Variants in RUNX1 observed in about 807,000 individuals in gnomAD.
RUNX1 encodes the protein RUNX family transcription factor 1.
A neutral mutation model predicts 42.8 loss-of-function variants in RUNX1; 19 were observed. The observed-to-expected ratio is 0.44, with a 90% CI of 0.31 to 0.65. The LOEUF is 0.65. RUNX1 is among the 30% of genes least tolerant of loss of function. The pLI is 0.07. For synonymous variants in RUNX1, 271 were observed against 289.4 expected, an observed-to-expected ratio of 0.94 and a Z score of 0.64; for missense variants, 528 against 672.0, an observed-to-expected ratio of 0.79 and a Z score of 2.37.
intron 2 of RUNX1, among the ~76,000 whole-genome samples, chr21:34,992,491 G>A (rs956729126): frequency 6.6e-6 from 1 of 152,034 alleles, no homozygotes; most frequent in African/African-American, 2.4e-5. Flanking sequence ...ACTGAGGATG[G>A]ATTAGGCAGT....
intron 2 of RUNX1, among the ~76,000 whole-genome samples, chr21:34,966,085 A>G (rs2058716404): frequency 6.6e-6 from 1 of 152,134 alleles, no homozygotes; most frequent in South Asian, 2.1e-4. Context: ...GTGCTCTTGC[A>G]TTTCTTACCC....
chr21:34,850,920 C>G (rs1209301481), intron 6 of RUNX1, among the ~76,000 whole-genome samples: 1 of 152,090 alleles, frequency 6.6e-6, no homozygotes, highest in African/African-American at 2.4e-5. Flanking sequence ...TGAATTATAC[C>G]TGTCCTCTTT....
At chr21:34,893,067 G>C in intron 2 of RUNX1, 104 bp from the exon 3 acceptor site, 1 of 718,646 alleles carries the variant, frequency 1.4e-6, no homozygotes, top group South Asian at 1.6e-5. Context: ...ACACTTTTTA[G>C]CACTGGAGAT....
chr21:34,970,016 C>T (rs1232675190), intron 2 of RUNX1, among the ~76,000 whole-genome samples: 1 of 152,218 alleles, frequency 6.6e-6, no homozygotes, highest in Non-Finnish European at 1.5e-5. Context: ...GGATGGCAGA[C>T]GTTCATGTCT....
intron 2 of RUNX1, among the ~76,000 whole-genome samples, chr21:34,986,527 G>A (rs912447354): frequency 6.7e-6 from 1 of 149,636 alleles, no homozygotes; most frequent in Non-Finnish European, 1.5e-5. Flanking sequence ...TTGGAAATAA[G>A]GTTTGTGTAA....
At chr21:34,823,955 CTT>C (rs1569027873) in intron 7 of RUNX1, among the ~76,000 whole-genome samples, 1 of 152,200 alleles carries the variant, frequency 6.6e-6, no homozygotes, top group Non-Finnish European at 1.5e-5. Flanking sequence ...TTGGAAGACA[CTT>C]TTCAAAATCT....
In RUNX1 at chr21:34,791,434, C is replaced by CA. The variant is rs11424731; in HGVS notation, c.*700dup. 2,641 of 226,440 alleles carry CA rather than the reference C, an allele frequency of 0.012. 19 individuals carry two copies. The highest frequency in any genetic ancestry group is 0.024 in the African/African-American group (1,087 of 44,384). 14.0% of individuals were successfully genotyped at this position (226,440 alleles called of 1,614,324 possible). ...ATGACCCAAAGCTGTAGCTGTTTCT[C>CA]AAAAAAACAAAACAAAACAAAAAAA... is the stretch of plus-strand genomic sequence containing the variant. On this transcript the variant is annotated 3_prime_UTR_variant, in exon 9 of 9. Transcript: ENST00000675419.
rs568771672 is a variant in RUNX1, at chr21:34,970,517, T to TC, written c.59-77555dup. ...GGGGTTTTAAGATTGGCCTTTGCCCTCAAAAGTCACCTTCAGCCTTCAGAA... is the reference window on the plus strand; with the variant it reads ...GGGGTTTTAAGATTGGCCTTTGCCCTCCAAAAGTCACCTTCAGCCTTCAGAA... On this transcript the variant is annotated intron_variant, in intron 2 of 8. Coordinates refer to ENST00000675419, the MANE Select transcript of RUNX1 (RefSeq NM_001754.5). Among the ~76,000 whole-genome samples the TC allele has an allele frequency of 2.8e-4, 43 of 152,328 alleles. No individual in the cohort carries two copies. The East Asian group carries it at 7.1e-3, about 25-fold the overall frequency.
chr21:34,951,958 C>A (rs1159254615), intron 2 of RUNX1, among the ~76,000 whole-genome samples: 1 of 152,110 alleles, frequency 6.6e-6, no homozygotes, highest in Non-Finnish European at 1.5e-5. Flanking sequence ...TTCACAACAG[C>A]AAAGACTTGG....
intron 7 of RUNX1, among the ~76,000 whole-genome samples, chr21:34,827,490 G>A (rs955491323): frequency 5.3e-5 from 8 of 152,178 alleles, no homozygotes; most frequent in African/African-American, 1.7e-4. Flanking sequence ...GTATGAATGC[G>A]AGGAAGCCAG....
At position 34,907,074 on chromosome 21, in the gene RUNX1, T is replaced by G. The variant is rs2058226399; in HGVS notation, c.59-14111A>C. On this transcript the variant is annotated intron_variant, in intron 2 of 8. Coordinates refer to ENST00000675419, the MANE Select transcript of RUNX1 (RefSeq NM_001754.5). This position sits in a 1 kb window ranked among gnomAD's most constrained non-coding sequence, Gnocchi z 5.3. ...TTAGTATTCATTATTCATGAGGACT[T>G]GATCGTGTATTCAAAGTCAGCCAGG... 6.6e-6 allele frequency among the ~76,000 whole-genome samples: 1 copy of G among 152,190 alleles called. No individual in the cohort carries two copies. Among genetic ancestry groups the G allele is most frequent in the Admixed American group, 6.5e-5 (1 of 15,284 alleles).
intron 2 of RUNX1, among the ~76,000 whole-genome samples, chr21:34,974,781 C>T (rs756177055): frequency 4.6e-5 from 7 of 152,140 alleles, no homozygotes; most frequent in African/African-American, 1.4e-4. Context: ...CTATTTTGCT[C>T]TTGTTTATTT....
intron 6 of RUNX1, among the ~76,000 whole-genome samples, chr21:34,854,633 T>C (rs1001744263): frequency 6.6e-6 from 1 of 151,808 alleles, no homozygotes; most frequent in Non-Finnish European, 1.5e-5. Context: ...ACATTTTACC[T>C]TACTCCCTAG....
chr21:34,856,691 C>T (rs770921112), intron 6 of RUNX1, among the ~76,000 whole-genome samples: 5 of 152,168 alleles, frequency 3.3e-5, no homozygotes, highest in Admixed American at 6.5e-5. Flanking sequence ...CCTCCTAGCT[C>T]TCATTGTCTT....
chr21:34,903,902 A>G (rs2058197037), intron 2 of RUNX1, among the ~76,000 whole-genome samples: 1 of 152,290 alleles, frequency 6.6e-6, no homozygotes, highest in East Asian at 1.9e-4. Flanking sequence ...CAACAATAGA[A>G]GTAATAATCC....
chr21:34,892,634 GT>G (rs1446265609), intron 3 of RUNX1, among the ~76,000 whole-genome samples: 1 of 152,168 alleles, frequency 6.6e-6, no homozygotes, highest in African/African-American at 2.4e-5. Context: ...GCCAAGCTCT[GT>G]TTTGTTTTTA....
intron 6 of RUNX1, among the ~76,000 whole-genome samples, chr21:34,842,923 C>A (rs2057261334): frequency 6.6e-6 from 1 of 152,066 alleles, no homozygotes; most frequent in African/African-American, 2.4e-5. Context: ...CAAAAAGTAG[C>A]CGGGCATGGT....
intron 2 of RUNX1, among the ~76,000 whole-genome samples, chr21:35,010,857 G>A (rs896395405): frequency 3.9e-5 from 6 of 152,186 alleles, no homozygotes; most frequent in African/African-American, 1.4e-4. Context: ...AGAATCATCT[G>A]AAACATCAGA....
intron 2 of RUNX1, among the ~76,000 whole-genome samples, chr21:34,995,284 G>A (rs922805140): frequency 1.3e-5 from 2 of 151,970 alleles, no homozygotes; most frequent in African/African-American, 4.8e-5. Context: ...TTAATGAGCT[G>A]GGAACCCAAT....
Sources: allele counts gnomAD v4.1 joint callset (sites outside exome capture counted in the v4.1 genomes callset), GRCh38; gene constraint gnomAD v4.1.1; non-coding constraint Gnocchi (gnomAD v3.1); transcripts MANE v1.5; gene names NCBI Gene and HGNC (gene_info 2026-07-23, HGNC 2026-07-21).